FURIN: variants seen among roughly 807,000 people sequenced by gnomAD.
FURIN encodes the protein FES upstream region.
Under a neutral mutation model 89.2 loss-of-function variants are expected in FURIN, and 18 were observed. The ratio of observed to expected loss-of-function variants is 0.20; its 90% CI spans 0.14 to 0.30. FURIN has a LOEUF of 0.30. Among genes scored for constraint, FURIN ranks in the 10% least tolerant of loss-of-function variants. The pLI, the probability that FURIN is intolerant of heterozygous loss-of-function variation, is 1.00. For synonymous variants in FURIN, 508 were observed against 466.4 expected (o/e 1.09, Z -1.15); for missense variants, 879 against 1,100.5 (o/e 0.80, Z 2.85).
chr15:90,871,534 A>G (rs1474991611), intron 1 of FURIN: 3 of 100 alleles, frequency 0.03, no homozygotes, highest in Non-Finnish European at 0.045. Context: ...CCCGGGCGGC[A>G]TGGGCGGCCG....
In FURIN at chr15:90,882,012, T is replaced by G; in HGVS notation, c.*134T>G. On this transcript the variant is annotated 3_prime_UTR_variant, in exon 16 of 16. Coordinates refer to ENST00000268171, the MANE Select transcript of FURIN (RefSeq NM_002569.4). ...GAGGGGTGGAGACTGCTTCCCATCCTACCCTCGGGCCCACCTGGCCACCTG... is the reference window on the plus strand; with the variant it reads ...GAGGGGTGGAGACTGCTTCCCATCCGACCCTCGGGCCCACCTGGCCACCTG... 1.5e-6 allele frequency: 1 copy of G among 673,832 alleles called. No individual in the cohort carries two copies. The allele number at this position is 673,832 out of a possible 1,614,324, so 41.7% of individuals were successfully genotyped here.
Position 90,876,454 on chromosome 15 carries a change from C to A in FURIN, c.277-8C>A. ...CACCCACACCATCTCTCCCTCACTC[C>A]CCCACAGGTACAGTGGCTGGAACAG... On this transcript the variant is annotated splice_region_variant and splice_polypyrimidine_tract_variant and intron_variant, in intron 3 of 15. Transcript: ENST00000268171. This position sits in a 1 kb window ranked among gnomAD's most constrained non-coding sequence, Gnocchi z 5.0. The A allele has an allele frequency of 6.2e-7, 1 of 1,605,660 alleles. No homozygotes were observed. The highest frequency in any genetic ancestry group is 8.5e-7 in the Non-Finnish European group (1 of 1,172,282).
At chr15:90,869,155 G>A (rs575556930) in intron 1 of FURIN, among the ~76,000 whole-genome samples, 2 of 152,280 alleles carry the variant, frequency 1.3e-5, no homozygotes, top group East Asian at 1.9e-4. Context: ...GGAAAATGGA[G>A]CCCCTTTACA....
In FURIN at chr15:90,876,225, G is replaced by T; in HGVS notation, c.178-30G>T. The T allele has an allele frequency of 7.0e-7, 1 of 1,438,468 alleles. No homozygotes were observed. Among genetic ancestry groups the T allele is most frequent in the Non-Finnish European group, 9.8e-7 (1 of 1,020,496 alleles). 89.1% of individuals were successfully genotyped at this position (1,438,468 alleles called of 1,614,324 possible). The stretch of plus-strand genomic sequence containing the variant: ...CCTCCCGGGGACTGACAGATGGAAA[G>T]CCCAGCTCAGTCTCCCTGCTCTATT... On this transcript the variant is annotated intron_variant, in intron 2 of 15. Transcript: ENST00000268171. The surrounding 1 kb of genome is among the most constrained non-coding windows in gnomAD (Gnocchi z 5.0).
At position 90,880,784 on chromosome 15, in the gene FURIN, G is replaced by A. The variant is rs866027776; in HGVS notation, c.1650G>A (p.Glu550=). 1 of 1,613,964 alleles carries A rather than the reference G, an allele frequency of 6.2e-7. No homozygotes were observed. The highest frequency in any genetic ancestry group is 1.6e-4 in the Middle Eastern group (1 of 6,062). Residue 550 remains glutamate (E), a synonymous_variant, in exon 14 of 16, where the codon GAG becomes GAA. Coordinates refer to ENST00000268171, the MANE Select transcript of FURIN (RefSeq NM_002569.4). ...DEDPSGEWVL[E]IENTSEANNY... Reference sequence around the variant, plus strand: ...ATCCCTCTGGCGAGTGGGTCCTAGAGATTGAAAACACCAGCGAAGCCAACA... The same window carrying A: ...ATCCCTCTGGCGAGTGGGTCCTAGAAATTGAAAACACCAGCGAAGCCAACA...
chr15:90,874,530 G>A (rs1402960833), intron 1 of FURIN, among the ~76,000 whole-genome samples: 1 of 152,206 alleles, frequency 6.6e-6, no homozygotes, highest in Non-Finnish European at 1.5e-5. Flanking sequence ...CTCCACCCCC[G>A]CACCCCCTCA....
In FURIN at chr15:90,881,411, G is replaced by A. The variant is rs756901366; in HGVS notation, c.1918G>A (p.Val640Ile). The A allele has an allele frequency of 8.1e-6, 13 of 1,612,506 alleles. No individual in the cohort carries two copies. The highest frequency in any genetic ancestry group is 3.3e-5 in the Admixed American group (2 of 59,980). ...TGACGTGGAGACCATCCGGGCCAGC[G>A]TCTGCGCCCCCTGCCACGCCTCATG... ...ENDVETIRASVCAPCHASCAT... is the reference protein window; with the variant it reads ...ENDVETIRASICAPCHASCAT... The change falls in exon 16 of 16, where the codon GTC (valine) becomes ATC (isoleucine). Residue 640 changes from valine (V) to isoleucine (I), a missense_variant. Transcript: ENST00000268171. This position sits in a 1 kb window ranked among gnomAD's most constrained non-coding sequence, Gnocchi z 4.3.
Position 90,881,066 on chromosome 15 carries a change from T to C in FURIN, c.1792+26T>C. On this transcript the variant is annotated intron_variant, in intron 15 of 15. Coordinates refer to ENST00000268171, the MANE Select transcript of FURIN (RefSeq NM_002569.4). The surrounding 1 kb of genome is among the most constrained non-coding windows in gnomAD (Gnocchi z 4.3). ...GTCAGTAGTGGGTGCTGTTGGGCTT[T>C]GGGGGCCTGAGTCTGGGGGTAAGGC... 6.5e-7 allele frequency: 1 copy of C among 1,538,332 alleles called. No homozygotes were observed. The highest frequency in any genetic ancestry group is 1.7e-4 in the Middle Eastern group (1 of 5,898).
At position 90,881,498 on chromosome 15, in the gene FURIN, G is replaced by A. The variant is rs1465234078; in HGVS notation, c.2005G>A (p.Asp669Asn). 6.2e-7 allele frequency: 1 copy of A among 1,612,010 alleles called. No homozygotes were observed. The highest frequency in any genetic ancestry group is 8.5e-7 in the Non-Finnish European group (1 of 1,179,764). ...CAGCTGCCCCAGCCACGCCTCCTTG[G>A]ACCCTGTGGAGCAGACTTGCTCCCG... ...CLSCPSHASL[D>N]PVEQTCSRQS... Residue 669 changes from aspartate to asparagine, a missense_variant, in exon 16 of 16, where the codon GAC (aspartate) becomes AAC (asparagine). Physicochemically the swap from Asp to Asn is conservative, Grantham distance 23 (BLOSUM62 1). This residue lies in a region of FURIN where 457 missense variants were observed against 490.7 expected (regional missense o/e 0.93). Coordinates refer to ENST00000268171, the MANE Select transcript of FURIN (RefSeq NM_002569.4). This position sits in a 1 kb window ranked among gnomAD's most constrained non-coding sequence, Gnocchi z 4.3.
At chr15:90,871,781 G>A (rs2031318700) in intron 1 of FURIN, among the ~76,000 whole-genome samples, 1 of 149,324 alleles carries the variant, frequency 6.7e-6, no homozygotes, top group African/African-American at 2.5e-5. Flanking sequence ...GCCCTGACCC[G>A]GGTCCCCCGG....
rs1245579351 is a variant in FURIN, at chr15:90,881,954, T to C, written c.*76T>C. On this transcript the variant is annotated 3_prime_UTR_variant, in exon 16 of 16. Transcript: ENST00000268171. This position sits in a 1 kb window ranked among gnomAD's most constrained non-coding sequence, Gnocchi z 4.3. ...AATTCACCAAAGTATTTTTTTATCTTGGGACTGGGTTTGGACCCCAGCTGG... is the reference window on the plus strand; with the variant it reads ...AATTCACCAAAGTATTTTTTTATCTCGGGACTGGGTTTGGACCCCAGCTGG... The C allele has an allele frequency of 2.7e-6, 3 of 1,092,604 alleles. No homozygotes were observed. The highest frequency in any genetic ancestry group is 4.0e-6 in the Non-Finnish European group (3 of 750,464). The allele number at this position is 1,092,604 out of a possible 1,614,324, so 67.7% of individuals were successfully genotyped here. A position where few individuals can be genotyped will look rare whatever the true frequency, so the allele number is the denominator to read the frequency against.
Position 90,878,176 on chromosome 15 carries a change from C to G in FURIN, c.712C>G (p.Arg238Gly), listed in dbSNP as rs747205781. The G allele has an allele frequency of 1.2e-6, 2 of 1,613,734 alleles. No homozygotes were observed. Among genetic ancestry groups the G allele is most frequent in the Non-Finnish European group, 1.7e-6 (2 of 1,180,010 alleles). The change falls in exon 8 of 16, where the codon CGC (arginine) becomes GGC (glycine). Residue 238 changes from arginine (R) to glycine (G), a missense_variant. Physicochemically the swap from Arg to Gly is moderately radical, Grantham distance 125 (BLOSUM62 -2). Coordinates refer to ENST00000268171, the MANE Select transcript of FURIN (RefSeq NM_002569.4). ...CGAGGTGACAGATGCAGTGGAGGCA[C>G]GCTCGCTGGGCCTGAACCCCAACCA... ...DGEVTDAVEA[R>G]SLGLNPNHIH... is the part of the protein sequence containing the mutation.
intron 1 of FURIN, 99 bp downstream of exon 1, chr15:90,868,810 A>C (rs976456892): frequency 6.6e-6 from 1 of 152,252 alleles, no homozygotes; most frequent in Non-Finnish European, 1.5e-5. Context: ...GGCAAAAAGA[A>C]GAAAACAAAG....
intron 8 of FURIN, 132 bp from the exon 9 acceptor site, chr15:90,878,632 C>T (rs1047012530): frequency 1.9e-5 from 12 of 620,516 alleles, no homozygotes; most frequent in Middle Eastern, 4.3e-4. Flanking sequence ...ACTTGATCCA[C>T]CAGGGATCTC....
At position 90,876,105 on chromosome 15, in the gene FURIN, C is replaced by T; in HGVS notation, c.178-150C>T. On this transcript the variant is annotated intron_variant, in intron 2 of 15. Coordinates refer to ENST00000268171, the MANE Select transcript of FURIN (RefSeq NM_002569.4). The surrounding 1 kb of genome is among the most constrained non-coding windows in gnomAD (Gnocchi z 5.0). ...CCAGTGAGAGTGAGTCCTCATGGTCCCCGCATTTTGCTGGGTCCCGGACAG... is the reference window on the plus strand; with the variant it reads ...CCAGTGAGAGTGAGTCCTCATGGTCTCCGCATTTTGCTGGGTCCCGGACAG... 1.3e-6 allele frequency: 1 copy of T among 765,674 alleles called. No individual in the cohort carries two copies. Among genetic ancestry groups the T allele is most frequent in the South Asian group, 1.6e-5 (1 of 63,734 alleles). The allele number at this position is 765,674 out of a possible 1,614,324, so 47.4% of individuals were successfully genotyped here. A position where few individuals can be genotyped will look rare whatever the true frequency, so the allele number is the denominator to read the frequency against.
Position 90,882,698 on chromosome 15 carries a change from C to A in FURIN, c.*820C>A, listed in dbSNP as rs2032064390. ...CTGGCCCAGCCGGCCTCTCTGGCCT[C>A]CCACCCGATGCTGCTTTCCCCTGTG... On this transcript the variant is annotated 3_prime_UTR_variant, in exon 16 of 16. Coordinates refer to ENST00000268171, the MANE Select transcript of FURIN (RefSeq NM_002569.4). 1 of 152,712 alleles carries A rather than the reference C, an allele frequency of 6.5e-6. No homozygotes were observed. Among genetic ancestry groups the A allele is most frequent in the Non-Finnish European group, 1.5e-5 (1 of 68,098 alleles). 9.5% of individuals were successfully genotyped at this position (152,712 alleles called of 1,614,324 possible).
At position 90,881,138 on chromosome 15, in the gene FURIN, G is replaced by C. The variant is rs1047017542; in HGVS notation, c.1792+98G>C. ...GCTCTAACAGAAAAAAGTCTCAAGAGACCTAGGGCCCCTGGGGCTCTTGGG... is the reference window on the plus strand; with the variant it reads ...GCTCTAACAGAAAAAAGTCTCAAGACACCTAGGGCCCCTGGGGCTCTTGGG... On this transcript the variant is annotated intron_variant, in intron 15 of 15. Transcript: ENST00000268171. The surrounding 1 kb of genome is among the most constrained non-coding windows in gnomAD (Gnocchi z 4.3). The C allele has an allele frequency of 1.6e-5, 18 of 1,132,650 alleles. No individual in the cohort carries two copies. The highest frequency in any genetic ancestry group is 2.4e-5 in the Non-Finnish European group (18 of 759,952). 70.2% of individuals were successfully genotyped at this position (1,132,650 alleles called of 1,614,324 possible). A position where few individuals can be genotyped will look rare whatever the true frequency, so the allele number is the denominator to read the frequency against.
Position 90,876,805 on chromosome 15 carries a change from G to C in FURIN, c.373-91G>C. On this transcript the variant is annotated intron_variant, in intron 4 of 15. Coordinates refer to ENST00000268171, the MANE Select transcript of FURIN (RefSeq NM_002569.4). The surrounding 1 kb of genome is among the most constrained non-coding windows in gnomAD (Gnocchi z 5.0). ...CAGGAGCAGGGATGGTACAGGAGGA[G>C]GTTTTACGGGGGCAAAGGGATTCTT... 7.1e-7 allele frequency: 1 copy of C among 1,404,048 alleles called. No individual in the cohort carries two copies. 87.0% of individuals were successfully genotyped at this position (1,404,048 alleles called of 1,614,324 possible).
At chr15:90,879,115 T>C (rs1044553971) in intron 9 of FURIN, 139 bp downstream of exon 9, 2 of 630,052 alleles carry the variant, frequency 3.2e-6, no homozygotes, top group African/African-American at 3.7e-5. Flanking sequence ...ACATGAACTC[T>C]GGGGCTCTGT....
Sources: gnomAD v4.1 joint callset for allele counts (sites outside exome capture counted in the v4.1 genomes callset) on GRCh38, gnomAD v4.1.1 for gene constraint, gnomAD v4.1.1 regional missense constraint, Gnocchi (gnomAD v3.1) non-coding constraint, MANE v1.5 for transcripts, NCBI Gene and HGNC (gene_info 2026-07-23, HGNC 2026-07-21) for gene names.